The following KCNAB1 variants were observed in gnomAD, a reference collection of about 807,000 sequenced individuals.
KCNAB1 encodes the protein potassium voltage-gated channel subfamily A regulatory beta subunit 1.
A neutral mutation model predicts 64.6 loss-of-function variants in KCNAB1; 35 were observed. That is an observed-to-expected ratio of 0.54 (90% CI 0.41 to 0.72). The LOEUF (loss-of-function observed/expected upper bound fraction) is 0.72. KCNAB1 is among the 30% of genes least tolerant of loss of function. The probability of loss-of-function intolerance (pLI) is 0.00; values close to 1 mark genes in which losing one functional copy is unlikely to be tolerated. For synonymous variants in KCNAB1, 177 were observed against 183.8 expected, an observed-to-expected ratio of 0.96 and a Z score of 0.30; for missense variants, 401 against 512.9, an observed-to-expected ratio of 0.78 and a Z score of 2.11.
intron 1 of KCNAB1, among the ~76,000 whole-genome samples, chr3:156,245,074 C>G (rs1717374534): frequency 1.3e-5 from 2 of 152,222 alleles, no homozygotes; most frequent in South Asian, 4.1e-4. Context: ...ACCATCACCT[C>G]TTCTTCACTC....
At chr3:156,346,474 C>G (rs1724488975) in intron 1 of KCNAB1, among the ~76,000 whole-genome samples, 1 of 152,108 alleles carries the variant, frequency 6.6e-6, no homozygotes, top group Admixed American at 6.5e-5. Flanking sequence ...AATATGGAAC[C>G]ACTACACTTC....
intron 1 of KCNAB1, among the ~76,000 whole-genome samples, chr3:156,263,302 C>T (rs1718529771): frequency 6.6e-6 from 1 of 151,922 alleles, no homozygotes; most frequent in South Asian, 2.1e-4. Context: ...GCCTTAGCTG[C>T]TTCCCATAAA....
chr3:156,377,466 A>G (rs1004667393), intron 1 of KCNAB1, among the ~76,000 whole-genome samples: 14 of 152,160 alleles, frequency 9.2e-5, no homozygotes, highest in Non-Finnish European at 1.6e-4. Context: ...CAATGGTTGT[A>G]TACTGCCACT....
intron 1 of KCNAB1, among the ~76,000 whole-genome samples, chr3:156,318,806 G>A (rs530103575): frequency 3.9e-5 from 6 of 152,080 alleles, no homozygotes; most frequent in Admixed American, 1.3e-4. Context: ...GGCTAGTTGC[G>A]ATTTGTCACG....
intron 1 of KCNAB1, among the ~76,000 whole-genome samples, chr3:156,383,004 C>T (rs1433001922): frequency 6.6e-6 from 1 of 152,196 alleles, no homozygotes; most frequent in African/African-American, 2.4e-5. Context: ...CTTTCGGGTG[C>T]TTTCTACGTC....
intron 1 of KCNAB1, among the ~76,000 whole-genome samples, chr3:156,166,663 A>G (rs931053023): frequency 6.6e-6 from 1 of 152,028 alleles, no homozygotes; most frequent in African/African-American, 2.4e-5. Context: ...TCCAGATTTC[A>G]TTTGCTAGCT....
intron 1 of KCNAB1, among the ~76,000 whole-genome samples, chr3:156,386,005 G>C (rs1712560462): frequency 6.6e-6 from 1 of 152,104 alleles, no homozygotes; most frequent in African/African-American, 2.4e-5. Context: ...GATTGTTACT[G>C]GTGGAAGGTA....
At chr3:156,435,086 C>T (rs1327328998) in intron 2 of KCNAB1, among the ~76,000 whole-genome samples, 5 of 152,120 alleles carry the variant, frequency 3.3e-5, no homozygotes, top group African/African-American at 1.2e-4. Flanking sequence ...GGAATGCACA[C>T]CTACCTGAGA....
chr3:156,412,236 A>T (rs1714719969), intron 1 of KCNAB1, among the ~76,000 whole-genome samples: 1 of 152,312 alleles, frequency 6.6e-6, no homozygotes, highest in African/African-American at 2.4e-5. Context: ...ATATCTCACA[A>T]AGTTGCTAAA....
At chr3:156,176,723 G>A in intron 1 of KCNAB1, 2 of 948,320 alleles carry the variant, frequency 2.1e-6, no homozygotes, top group Non-Finnish European at 3.5e-6. Flanking sequence ...CATGTCCAGA[G>A]AGCAGCATGA....
chr3:156,441,685 G>T (rs953603470), intron 2 of KCNAB1, among the ~76,000 whole-genome samples: 3 of 151,976 alleles, frequency 2.0e-5, no homozygotes, highest in African/African-American at 7.3e-5. Context: ...ATTAACTACT[G>T]GATACATTTA....
At chr3:156,484,604 C>CAGCAGATCTGCAGT (rs1425930586) in intron 8 of KCNAB1, among the ~76,000 whole-genome samples, 241 of 152,212 alleles carry the variant, frequency 1.6e-3, no homozygotes, top group Admixed American at 3.7e-3. Flanking sequence ...CGATCTGCTG[C>CAGCAGATCTGCAGT]AGCAGATCTG....
chr3:156,120,861 G>A lies in KCNAB1; in HGVS notation c.250G>A (p.Val84Ile). The A allele has an allele frequency of 6.2e-7, 1 of 1,614,124 alleles. No individual in the cohort carries two copies. Among genetic ancestry groups the A allele is most frequent in the Non-Finnish European group, 8.5e-7 (1 of 1,180,046 alleles). Reference protein sequence around the residue: ...LCDLSSEHTTVCTTGMPHRNL... With the variant: ...LCDLSSEHTTICTTGMPHRNL... The stretch of plus-strand genomic sequence containing the variant: ...CGACCTGTCCAGCGAGCACACCACC[G>A]TCTGCACCACAGGCATGCCGCACAG... The change falls in exon 1 of 14, where the codon GTC becomes ATC. Residue 84 changes from valine (V) to isoleucine (I), a missense_variant. By Grantham distance (29) the Val-to-Ile change is conservative (BLOSUM62 3). Coordinates refer to ENST00000490337, the MANE Select transcript of KCNAB1 (RefSeq NM_172160.3).
At chr3:156,438,652 C>T (rs1716757981) in intron 2 of KCNAB1, among the ~76,000 whole-genome samples, 1 of 152,154 alleles carries the variant, frequency 6.6e-6, no homozygotes, top group Non-Finnish European at 1.5e-5. Flanking sequence ...TATGCTTGTA[C>T]TAGTACTATT....
At chr3:156,218,453 A>G (rs1715463874) in intron 1 of KCNAB1, among the ~76,000 whole-genome samples, 1 of 152,178 alleles carries the variant, frequency 6.6e-6, no homozygotes, top group Admixed American at 6.5e-5. Flanking sequence ...TGGTAGCTCT[A>G]TAGCCCTGCC....
intron 1 of KCNAB1, among the ~76,000 whole-genome samples, chr3:156,264,250 T>G (rs1718578420): frequency 6.6e-6 from 1 of 152,096 alleles, no homozygotes; most frequent in South Asian, 2.1e-4. Flanking sequence ...ATGGTCTATC[T>G]TTTTACAATA....
rs80080073 is a variant in KCNAB1, at chr3:156,176,499, C to A, written c.275+55613C>A. ...TTAACCCTCTTGCCCGTTTCACTAT[C>A]CCACACAGCCACAGTTTTATCTGTG... On this transcript the variant is annotated intron_variant, in intron 1 of 13. Coordinates refer to ENST00000490337, the MANE Select transcript of KCNAB1 (RefSeq NM_172160.3). 1.1e-3 allele frequency: 835 copies of A among 793,974 alleles called. 5 individuals carry two copies. The African/African-American group carries it at 0.013, about 12-fold the overall frequency. The allele number at this position is 793,974 out of a possible 1,614,324, so 49.2% of individuals were successfully genotyped here.
chr3:156,406,714 TTGA>T (rs1559869285), intron 1 of KCNAB1, among the ~76,000 whole-genome samples: 1 of 152,066 alleles, frequency 6.6e-6, no homozygotes, highest in Non-Finnish European at 1.5e-5. Flanking sequence ...AGAGCAGAAT[TTGA>T]TGAAGAGAAA....
At position 156,206,203 on chromosome 3, in the gene KCNAB1, C is replaced by T. The variant is rs116072473; in HGVS notation, c.275+85317C>T. On this transcript the variant is annotated intron_variant, in intron 1 of 13. Coordinates refer to ENST00000490337, the MANE Select transcript of KCNAB1 (RefSeq NM_172160.3). ...GGTTCTCAGATCCCTGGGGATCTGT[C>T]TCTCCTCCATTGTCAGGTTATGGGG... 1.0e-2 allele frequency among the ~76,000 whole-genome samples: 1,521 copies of T among 152,314 alleles called. 25 individuals are homozygous for T. The highest frequency in any genetic ancestry group is 0.035 in the African/African-American group (1,455 of 41,560).
Sources: gnomAD v4.1 joint callset for allele counts (sites outside exome capture counted in the v4.1 genomes callset) on GRCh38, gnomAD v4.1.1 for gene constraint, MANE v1.5 for transcripts, NCBI Gene and HGNC (gene_info 2026-07-23, HGNC 2026-07-21) for gene names.